Variants in KANSL1 observed in about 807,000 individuals in gnomAD.
The protein encoded by KANSL1 is KAT8 regulatory NSL complex subunit 1.
A neutral mutation model predicts 103.6 loss-of-function variants in KANSL1; 22 were observed. That is an observed-to-expected ratio of 0.21 (90% confidence interval 0.15 to 0.30). The LOEUF is 0.30. Ranked by LOEUF, KANSL1 falls within the 10% of genes least tolerant of loss-of-function variation. KANSL1 has a pLI of 1.00. For missense variants in KANSL1, 1,337 were observed against 1,399.8 expected, an observed-to-expected ratio of 0.96 and a Z score of 0.72; for synonymous variants, 600 against 527.6, an observed-to-expected ratio of 1.14 and a Z score of -1.88.
chr17:46,145,528 T>C (rs1032934661), intron 2 of KANSL1, among the ~76,000 whole-genome samples: 3 of 152,270 alleles, frequency 2.0e-5, no homozygotes, highest in African/African-American at 7.2e-5. Context: ...ACACAGCCTT[T>C]TCTCAAGAGC....
chr17:46,164,137 T>C (rs1250599980), intron 2 of KANSL1, among the ~76,000 whole-genome samples: 1 of 152,272 alleles, frequency 6.6e-6, no homozygotes, highest in Non-Finnish European at 1.5e-5. Context: ...TCTTACACAT[T>C]TACTTACTCC....
Position 46,031,602 on chromosome 17 carries a change from A to AGTGCAGC in KANSL1, c.3185_3191dup (p.Arg1065LeufsTer55). 6.2e-7 allele frequency: 1 copy of AGTGCAGC among 1,614,086 alleles called. No homozygotes were observed. The highest frequency in any genetic ancestry group is 8.5e-7 in the Non-Finnish European group (1 of 1,180,002). On this transcript the variant is annotated frameshift_variant, in exon 15 of 15. Coordinates refer to ENST00000432791, the MANE Select transcript of KANSL1 (RefSeq NM_015443.4). LOFTEE classifies it high-confidence loss of function. ...CAGTCTTGCTGCCTGAGGTGCGTCG[A>AGTGCAGC]GTGCAGCGGGCTGCTCGCTCCTGTG...
chr17:46,171,532 ACCC>A lies in KANSL1; in HGVS notation c.609_611del (p.Gly204del). The A allele has an allele frequency of 6.2e-7, 1 of 1,612,586 alleles. No homozygotes were observed. The highest frequency in any genetic ancestry group is 1.1e-5 in the South Asian group (1 of 90,970). On this transcript the variant is annotated inframe_deletion, in exon 2 of 15. Coordinates refer to ENST00000432791, the MANE Select transcript of KANSL1 (RefSeq NM_015443.4). ...TATGTGGAAGAGTGCAATTGGTCAT[ACCC>A]CCCTTCAAGTCCCCAGATTCAGATC...
intron 3 of KANSL1, among the ~76,000 whole-genome samples, chr17:46,091,635 CTA>C (rs1282234342): frequency 6.6e-6 from 1 of 151,938 alleles, no homozygotes; most frequent in Non-Finnish European, 1.5e-5. Flanking sequence ...TGTATTTTTT[CTA>C]TGTTTAGGTA....
At chr17:46,097,445 A>C (rs775479801) in intron 2 of KANSL1, among the ~76,000 whole-genome samples, 9 of 152,378 alleles carry the variant, frequency 5.9e-5, no homozygotes, top group Non-Finnish European at 1.3e-4. Flanking sequence ...ATAACTGATG[A>C]ATATATTTTA....
At chr17:46,039,385 C>A (rs1045753096) in intron 8 of KANSL1, 170 bp from the exon 9 acceptor site, 4 of 637,550 alleles carry the variant, frequency 6.3e-6, no homozygotes, top group Non-Finnish European at 7.8e-6. Flanking sequence ...AGGATAGGCA[C>A]AGGGAGCCCA....
intron 2 of KANSL1, among the ~76,000 whole-genome samples, chr17:46,120,249 AAATCTG>A (rs1381244501): frequency 6.6e-6 from 1 of 152,212 alleles, no homozygotes; most frequent in African/African-American, 2.4e-5. Flanking sequence ...AACATAGACA[AAATCTG>A]AATGCCAAAG....
intron 2 of KANSL1, among the ~76,000 whole-genome samples, chr17:46,118,532 C>T (rs1329184702): frequency 6.6e-6 from 1 of 152,236 alleles, no homozygotes; most frequent in Non-Finnish European, 1.5e-5. Context: ...GCCCCACCCC[C>T]AGAGTTTCCG....
intron 7 of KANSL1, chr17:46,043,087 A>T (rs1478628518): frequency 6.6e-6 from 1 of 152,162 alleles, no homozygotes; most frequent in African/African-American, 2.4e-5. Flanking sequence ...AACAATCTGA[A>T]AGCTGGGCTG....
At chr17:46,141,941 T>C (rs562086991) in intron 2 of KANSL1, among the ~76,000 whole-genome samples, 6 of 152,138 alleles carry the variant, frequency 3.9e-5, no homozygotes, top group Non-Finnish European at 8.8e-5. Context: ...CAGGCTGGAG[T>C]GCAGTGGCAT....
chr17:46,073,984 C>G (rs904694395), intron 4 of KANSL1, among the ~76,000 whole-genome samples: 2 of 151,976 alleles, frequency 1.3e-5, no homozygotes, highest in African/African-American at 4.8e-5. Flanking sequence ...TAAGTAGATA[C>G]AGAAATATAG....
rs1042228530 is a variant in KANSL1, at chr17:46,033,602, TCA to T, written c.2667-144_2667-143del. On this transcript the variant is annotated intron_variant, in intron 11 of 14. Transcript: ENST00000432791. Reference sequence around the variant, plus strand: ...CGGGTAGGCTCTGCCCTATCACAGCTCAGTCTCCCTACCCTGTCAAGGCCTGT... The same window carrying T: ...CGGGTAGGCTCTGCCCTATCACAGCTGTCTCCCTACCCTGTCAAGGCCTGT... The T allele has an allele frequency of 3.0e-5, 21 of 702,488 alleles. No individual in the cohort carries two copies. The Admixed American group carries it at 4.8e-4, about 16-fold the overall frequency. 43.5% of individuals were successfully genotyped at this position (702,488 alleles called of 1,614,324 possible).
chr17:46,146,832 CA>C (rs1023164178), intron 2 of KANSL1, among the ~76,000 whole-genome samples: 1,767 of 37,248 alleles, frequency 0.047, 15 homozygotes, highest in African/African-American at 0.13. Context: ...GACTCCGTCT[CA>C]AAAAAAAAAA....
At chr17:46,159,532 A>C (rs1172042569) in intron 2 of KANSL1, among the ~76,000 whole-genome samples, 1 of 152,246 alleles carries the variant, frequency 6.6e-6, no homozygotes, top group Non-Finnish European at 1.5e-5. Context: ...GATGAAAACC[A>C]ATCAGGATAG....
At chr17:46,055,380 G>C (rs2077885870) in intron 6 of KANSL1, among the ~76,000 whole-genome samples, 1 of 151,200 alleles carries the variant, frequency 6.6e-6, no homozygotes, top group Admixed American at 6.6e-5. Flanking sequence ...CAGAAGAATC[G>C]CTTGAACCCA....
At chr17:46,198,686 C>G (rs1327470335), upstream of KANSL1, among the ~76,000 whole-genome samples, 2 of 152,204 alleles carry the variant, frequency 1.3e-5, no homozygotes, top group African/African-American at 2.4e-5. Context: ...GAGCCAAGAT[C>G]GCACCACTGC....
intron 2 of KANSL1, among the ~76,000 whole-genome samples, chr17:46,155,751 C>G (rs138996276): frequency 1.3e-5 from 2 of 151,834 alleles, no homozygotes; most frequent in African/African-American, 4.8e-5. Flanking sequence ...TTCCTACAGT[C>G]TATTAAAAAA....
chr17:46,166,028 A>G (rs1298131101), intron 2 of KANSL1, among the ~76,000 whole-genome samples: 4 of 149,886 alleles, frequency 2.7e-5, no homozygotes, highest in Non-Finnish European at 5.9e-5. Flanking sequence ...CCTGGGCCAC[A>G]TGGTGAAACC....
At chr17:46,152,585 G>GA (rs1567736751) in intron 2 of KANSL1, among the ~76,000 whole-genome samples, 2 of 143,098 alleles carry the variant, frequency 1.4e-5, no homozygotes, top group Non-Finnish European at 3.0e-5. Flanking sequence ...GACACAAAGG[G>GA]GGGGGGGGGA....
Sources: gnomAD v4.1 joint callset for allele counts (sites outside exome capture counted in the v4.1 genomes callset) on GRCh38, gnomAD v4.1.1 for gene constraint, MANE v1.5 for transcripts, NCBI Gene and HGNC (gene_info 2026-07-23, HGNC 2026-07-21) for gene names.